The following PPARGC1B variants were observed in gnomAD, a reference collection of about 807,000 sequenced individuals.
PPARGC1B encodes peroxisome proliferator-activated receptor gamma coactivator 1-beta.
A neutral mutation model predicts 101.6 loss-of-function variants in PPARGC1B; 34 were observed. The observed-to-expected ratio is 0.33, with a 90% CI of 0.25 to 0.45. The LOEUF (loss-of-function observed/expected upper bound fraction) is 0.45, where lower values mean the gene tolerates loss of function less well. Ranked by LOEUF, PPARGC1B falls within the 20% of genes least tolerant of loss-of-function variation. The probability of loss-of-function intolerance (pLI) is 1.00; values close to 1 mark genes in which losing one functional copy is unlikely to be tolerated. For missense variants in PPARGC1B, 1,234 were observed against 1,317.6 expected (o/e 0.94, Z 0.98); for synonymous variants, 548 against 539.3 (o/e 1.02, Z -0.22).
At chr5:149,785,456 AC>A (rs1417230364) in intron 1 of PPARGC1B, among the ~76,000 whole-genome samples, 1 of 152,250 alleles carries the variant, frequency 6.6e-6, no homozygotes, top group Non-Finnish European at 1.5e-5. Flanking sequence ...TAGCAAGCAC[AC>A]AATAAAAGGC....
intron 1 of PPARGC1B, among the ~76,000 whole-genome samples, chr5:149,747,807 G>C (rs1416942799): frequency 6.6e-6 from 1 of 152,202 alleles, no homozygotes; most frequent in African/African-American, 2.4e-5. Context: ...TGGTGGGGTG[G>C]GGGTGGACCA....
chr5:149,815,846 C>A (rs373355248), intron 1 of PPARGC1B, among the ~76,000 whole-genome samples: 1 of 152,194 alleles, frequency 6.6e-6, no homozygotes, highest in African/African-American at 2.4e-5. Flanking sequence ...CGCGCCTGTT[C>A]CTAGCAACCT....
At chr5:149,801,486 A>G (rs1457563803) in intron 1 of PPARGC1B, among the ~76,000 whole-genome samples, 1 of 152,202 alleles carries the variant, frequency 6.6e-6, no homozygotes, top group African/African-American at 2.4e-5. Context: ...GTCAAGTGCC[A>G]GGGGTGGAAA....
chr5:149,826,110 C>T (rs887649872), intron 2 of PPARGC1B, among the ~76,000 whole-genome samples: 17 of 152,096 alleles, frequency 1.1e-4, no homozygotes, highest in African/African-American at 3.1e-4. Flanking sequence ...CTCCAGAGCC[C>T]GAGTGTCTAA....
In PPARGC1B at chr5:149,820,501, C is replaced by T; in HGVS notation, c.147C>T (p.Ala49=). 1 of 1,614,084 alleles carries T rather than the reference C, an allele frequency of 6.2e-7. No homozygotes were observed. Among genetic ancestry groups the T allele is most frequent in the East Asian group, 2.2e-5 (1 of 44,880 alleles). The change falls in exon 2 of 12, where the codon GCC becomes GCT. Residue 49 remains alanine, a synonymous_variant. Coordinates refer to ENST00000309241, the MANE Select transcript of PPARGC1B (RefSeq NM_133263.4). Reference sequence around the variant, plus strand: ...AACTTGACCTCTCCCAGCTGGATGCCAGCGACTTTGACTCGGCCACCTGCT... The same window carrying T: ...AACTTGACCTCTCCCAGCTGGATGCTAGCGACTTTGACTCGGCCACCTGCT... ...FPELDLSQLD[A]SDFDSATCFG...
intron 1 of PPARGC1B, among the ~76,000 whole-genome samples, chr5:149,748,996 C>T (rs763749070): frequency 1.3e-5 from 2 of 151,450 alleles, no homozygotes; most frequent in African/African-American, 2.4e-5. Flanking sequence ...TGGACTGCAC[C>T]GCTCCTCCCC....
chr5:149,847,389 C>T (rs1759607534), intron 11 of PPARGC1B, 69 bp from the exon 12 acceptor site: 1 of 1,196,752 alleles, frequency 8.4e-7, no homozygotes, highest in Non-Finnish European at 1.3e-6. Flanking sequence ...GCAGATTCTT[C>T]AACCATCCGG....
Position 149,849,392 on chromosome 5 carries a change from T to G in PPARGC1B, c.*1834T>G, listed in dbSNP as rs1011124322. ...GACTCCAATTTCCTTTCCTGTGAAA[T>G]GAACTGATTAGACATGTTTCAACAT... On this transcript the variant is annotated 3_prime_UTR_variant, in exon 12 of 12. Coordinates refer to ENST00000309241, the MANE Select transcript of PPARGC1B (RefSeq NM_133263.4). The G allele has an allele frequency of 3.3e-4, 50 of 152,198 alleles. No individual in the cohort carries two copies. Among genetic ancestry groups the G allele is most frequent in the Admixed American group, 3.1e-3 (47 of 15,284 alleles). 9.4% of individuals were successfully genotyped at this position (152,198 alleles called of 1,614,324 possible). A position where few individuals can be genotyped will look rare whatever the true frequency, so the allele number is the denominator to read the frequency against.
At position 149,845,829 on chromosome 5, in the gene PPARGC1B, T is replaced by C. The variant is rs763387265; in HGVS notation, c.2886T>C (p.Ala962=). ...CGGCCCTCTCTTTGACAAAGGGCGCTGCCCTGAGGAAGCGCAACGAGCCCT... is the reference window on the plus strand; with the variant it reads ...CGGCCCTCTCTTTGACAAAGGGCGCCGCCCTGAGGAAGCGCAACGAGCCCT... The part of the protein sequence containing the change: ...EHAALSLTKG[A]ALRKRNEPSF... Residue 962 remains alanine (A), a synonymous_variant, in exon 11 of 12, where the codon GCT becomes GCC. Coordinates refer to ENST00000309241, the MANE Select transcript of PPARGC1B (RefSeq NM_133263.4). 9 of 1,614,244 alleles carry C rather than the reference T, an allele frequency of 5.6e-6. No homozygotes were observed. Among genetic ancestry groups the C allele is most frequent in the Middle Eastern group, 1.7e-4 (1 of 6,054 alleles).
At chr5:149,757,850 A>C (rs1283705237) in intron 1 of PPARGC1B, among the ~76,000 whole-genome samples, 1 of 152,232 alleles carries the variant, frequency 6.6e-6, no homozygotes, top group East Asian at 1.9e-4. Context: ...CCACTGTCAC[A>C]GGGCTGGAGC....
At chr5:149,772,284 C>A in intron 1 of PPARGC1B, 1 of 1,478,680 alleles carries the variant, frequency 6.8e-7, no homozygotes, top group South Asian at 1.3e-5. Flanking sequence ...GGTTAGGGTA[C>A]GGTAGTGTGC....
intron 1 of PPARGC1B, among the ~76,000 whole-genome samples, chr5:149,747,710 G>T (rs1277315235): frequency 1.3e-5 from 2 of 152,244 alleles, no homozygotes; most frequent in Non-Finnish European, 2.9e-5. Context: ...AGTGGCTGAA[G>T]GAGTGGCAGC....
chr5:149,779,611 G>A (rs55926576), intron 1 of PPARGC1B, among the ~76,000 whole-genome samples: 27,362 of 152,206 alleles, frequency 0.18, 2,714 homozygotes, highest in Admixed American at 0.29. Flanking sequence ...GGAAGTCCAG[G>A]GAGGGAGGAA....
At chr5:149,785,184 G>C (rs1756754872) in intron 1 of PPARGC1B, among the ~76,000 whole-genome samples, 2 of 152,162 alleles carry the variant, frequency 1.3e-5, no homozygotes, top group Admixed American at 6.5e-5. Context: ...AGCCCCTCCT[G>C]GGCCTCAGTC....
In PPARGC1B at chr5:149,847,481, C is replaced by T. The variant is rs758059899; in HGVS notation, c.2995C>T (p.Pro999Ser). 3 of 1,614,050 alleles carry T rather than the reference C, an allele frequency of 1.9e-6. No individual in the cohort carries two copies. The highest frequency in any genetic ancestry group is 1.7e-6 in the Non-Finnish European group (2 of 1,179,910). The change falls in exon 12 of 12, where the codon CCT becomes TCT. Residue 999 changes from proline (P) to serine (S), a missense_variant. Coordinates refer to ENST00000309241, the MANE Select transcript of PPARGC1B (RefSeq NM_133263.4). ...AGATTCCAATTCAGAAGAGGCCCTTCCTGCGTCAGGGAAAAGCAAGTATGA... is the reference window on the plus strand; with the variant it reads ...AGATTCCAATTCAGAAGAGGCCCTTTCTGCGTCAGGGAAAAGCAAGTATGA... ...DYDSNSEEAL[P>S]ASGKSKYEAM...
At chr5:149,827,738 A>G (rs1758587505) in intron 3 of PPARGC1B, among the ~76,000 whole-genome samples, 1 of 152,232 alleles carries the variant, frequency 6.6e-6, no homozygotes, top group South Asian at 2.1e-4. Flanking sequence ...GAATGTGGAA[A>G]TGTGCACATG....
At chr5:149,831,835 C>T (rs1433904104) in intron 4 of PPARGC1B, among the ~76,000 whole-genome samples, 1 of 152,200 alleles carries the variant, frequency 6.6e-6, no homozygotes, top group Non-Finnish European at 1.5e-5. Flanking sequence ...ACCTCAGACA[C>T]CCAGCCATGG....
intron 1 of PPARGC1B, among the ~76,000 whole-genome samples, chr5:149,770,118 G>C (rs916292215): frequency 2.0e-5 from 3 of 152,134 alleles, no homozygotes; most frequent in Non-Finnish European, 4.4e-5. Flanking sequence ...TCAGGGTTGT[G>C]GGAGCCCCTG....
In PPARGC1B at chr5:149,853,827, G is replaced by C. The variant is rs1453580902; in HGVS notation, c.*6269G>C. ...AGGTGGTATGTGCAGCAGGGGAATA[G>C]ACTGCTTGGATTTCCAAATGGTTTC... On this transcript the variant is annotated 3_prime_UTR_variant, in exon 12 of 12. Transcript: ENST00000309241. This position sits in a 1 kb window ranked among gnomAD's most constrained non-coding sequence, Gnocchi z 4.2. The C allele has an allele frequency of 6.6e-6, 1 of 152,206 alleles. No homozygotes were observed. Among genetic ancestry groups the C allele is most frequent in the Non-Finnish European group, 1.5e-5 (1 of 68,038 alleles). 9.4% of individuals were successfully genotyped at this position (152,206 alleles called of 1,614,324 possible). A position where few individuals can be genotyped will look rare whatever the true frequency, so the allele number is the denominator to read the frequency against.
Sources: allele counts gnomAD v4.1 joint callset (sites outside exome capture counted in the v4.1 genomes callset), GRCh38; gene constraint gnomAD v4.1.1; non-coding constraint Gnocchi (gnomAD v3.1); transcripts MANE v1.5; gene names NCBI Gene and HGNC (gene_info 2026-07-23, HGNC 2026-07-21).